The following CAP2 variants were observed in gnomAD, a reference collection of about 807,000 sequenced individuals.
CAP2 encodes the protein adenylyl cyclase-associated protein 2.
Under a neutral mutation model 57.7 loss-of-function variants are expected in CAP2, and 24 were observed. The observed-to-expected ratio is 0.42, with a 90% CI of 0.30 to 0.58. The LOEUF (loss-of-function observed/expected upper bound fraction) is 0.58, where lower values mean the gene tolerates loss of function less well. Ranked by LOEUF, CAP2 falls within the 20% of genes least tolerant of loss-of-function variation. The probability of loss-of-function intolerance (pLI) is 0.22; values close to 1 mark genes in which losing one functional copy is unlikely to be tolerated. For synonymous variants in CAP2, 194 were observed against 207.2 expected (o/e 0.94, Z 0.55); for missense variants, 501 against 590.3 (o/e 0.85, Z 1.57).
At chr6:17,467,239 G>A (rs926195889) in intron 4 of CAP2, among the ~76,000 whole-genome samples, 1 of 152,214 alleles carries the variant, frequency 6.6e-6, no homozygotes, top group Admixed American at 6.5e-5. Flanking sequence ...TACAGAAACT[G>A]TGAGATGATA....
rs755465988 is a variant in CAP2, at chr6:17,539,344, C to G, written c.712C>G (p.Leu238Val). 3 of 1,614,128 alleles carry G rather than the reference C, an allele frequency of 1.9e-6. No individual in the cohort carries two copies. Among genetic ancestry groups the G allele is most frequent in the South Asian group, 1.1e-5 (1 of 91,084 alleles). ...GPGLPPPPPP[L>V]PPPGPPPLFE... ...TGGCCTTCCTCCACCCCCTCCTCCT[C>G]TGCCTCCTCCAGGGCCACCTCCACT... Residue 238 changes from leucine to valine, a missense_variant, in exon 8 of 13, where the codon CTG becomes GTG. Physicochemically the swap from Leu to Val is conservative, Grantham distance 32 (BLOSUM62 1). Transcript: ENST00000229922.
chr6:17,459,891 G>C (rs1403976160), intron 3 of CAP2, among the ~76,000 whole-genome samples: 1 of 152,000 alleles, frequency 6.6e-6, no homozygotes, highest in Non-Finnish European at 1.5e-5. Flanking sequence ...TACACTATGA[G>C]GATAATAATT....
chr6:17,448,606 T>C (rs1760322674), intron 3 of CAP2, among the ~76,000 whole-genome samples: 1 of 152,216 alleles, frequency 6.6e-6, no homozygotes, highest in African/African-American at 2.4e-5. Context: ...TAATAAATTA[T>C]TTAGAAGAGT....
At chr6:17,555,719 A>G (rs373911198) in intron 12 of CAP2, among the ~76,000 whole-genome samples, 2 of 150,872 alleles carry the variant, frequency 1.3e-5, no homozygotes, top group African/African-American at 4.9e-5. Context: ...GCATGCCACC[A>G]TTCCTGGCTA....
chr6:17,533,013 C>T lies in CAP2; in HGVS notation c.637-6256C>T, dbSNP rs542967490. Among the ~76,000 whole-genome samples, 186 of 140,092 alleles carry T rather than the reference C, an allele frequency of 1.3e-3. 1 individual carries two copies. Among genetic ancestry groups the T allele is most frequent in the Middle Eastern group, 3.9e-3 (1 of 258 alleles). 91.9% of individuals were successfully genotyped at this position (140,092 alleles called of 152,430 possible). A position where few individuals can be genotyped will look rare whatever the true frequency, so the allele number is the denominator to read the frequency against. On this transcript the variant is annotated intron_variant, in intron 7 of 12. Coordinates refer to ENST00000229922, the MANE Select transcript of CAP2 (RefSeq NM_006366.3). Reference sequence around the variant, plus strand: ...CCGGGAGGTGAAGGTTGCGGTGAGCCGAGATCACACCATCGCACTCCAGCC... The same window carrying T: ...CCGGGAGGTGAAGGTTGCGGTGAGCTGAGATCACACCATCGCACTCCAGCC...
At chr6:17,514,499 C>T (rs974660796) in intron 7 of CAP2, among the ~76,000 whole-genome samples, 4 of 152,166 alleles carry the variant, frequency 2.6e-5, no homozygotes, top group African/African-American at 4.8e-5. Context: ...CCTGTAATCC[C>T]AGCACTTTGG....
At chr6:17,509,621 G>C (rs2113661666) in intron 6 of CAP2, among the ~76,000 whole-genome samples, 1 of 152,190 alleles carries the variant, frequency 6.6e-6, no homozygotes, top group Admixed American at 6.5e-5. Flanking sequence ...GTTGCAGTGA[G>C]CTGAGATTGT....
intron 1 of CAP2, among the ~76,000 whole-genome samples, chr6:17,407,778 CAAAAA>C (rs60480016): frequency 1.4e-5 from 1 of 69,352 alleles, no homozygotes; most frequent in African/African-American, 5.1e-5. Flanking sequence ...GACTCGGTCT[CAAAAA>C]AAAAAAAAAA....
intron 3 of CAP2, among the ~76,000 whole-genome samples, chr6:17,441,129 C>T (rs1760062373): frequency 6.6e-6 from 1 of 151,368 alleles, no homozygotes; most frequent in Non-Finnish European, 1.5e-5. Context: ...CTTCTTAGAT[C>T]TTTTAATAAA....
intron 11 of CAP2, among the ~76,000 whole-genome samples, chr6:17,544,881 T>G (rs1214675526): frequency 6.6e-6 from 1 of 152,168 alleles, no homozygotes; most frequent in Non-Finnish European, 1.5e-5. Flanking sequence ...GATCACTACA[T>G]TTATCCATTT....
At chr6:17,538,996 C>T (rs895582229) in intron 7 of CAP2, among the ~76,000 whole-genome samples, 9 of 152,096 alleles carry the variant, frequency 5.9e-5, no homozygotes, top group South Asian at 2.1e-4. Flanking sequence ...GAGTATGGCT[C>T]GTTTGCCTCT....
intron 6 of CAP2, among the ~76,000 whole-genome samples, chr6:17,510,653 G>A (rs1244384984): frequency 6.6e-6 from 1 of 152,184 alleles, no homozygotes; most frequent in Non-Finnish European, 1.5e-5. Flanking sequence ...AATGCAAGAT[G>A]GTCTGTTCTT....
intron 3 of CAP2, among the ~76,000 whole-genome samples, chr6:17,460,509 AGAT>A (rs1379293430): frequency 1.3e-5 from 2 of 152,264 alleles, no homozygotes; most frequent in African/African-American, 4.8e-5. Flanking sequence ...TAGGGATCAG[AGAT>A]GGAAAAAGTG....
At chr6:17,459,330 G>T (rs1760664207) in intron 3 of CAP2, among the ~76,000 whole-genome samples, 2 of 152,208 alleles carry the variant, frequency 1.3e-5, no homozygotes, top group African/African-American at 4.8e-5. Context: ...AGGCCTTAAA[G>T]AATAGAGAGC....
chr6:17,401,124 T>C lies in CAP2; in HGVS notation c.-2+7378T>C, dbSNP rs187382795. On this transcript the variant is annotated intron_variant, in intron 1 of 12. Transcript: ENST00000229922. ...TGTTTATGTCCTCCCAAAATTCTTATGTTGAAATCCTCACTGCCATTGTGA... is the reference window on the plus strand; with the variant it reads ...TGTTTATGTCCTCCCAAAATTCTTACGTTGAAATCCTCACTGCCATTGTGA... Among the ~76,000 whole-genome samples, 12 of 152,292 alleles carry C rather than the reference T, an allele frequency of 7.9e-5. No individual in the cohort carries two copies. In the East Asian group the frequency reaches 2.3e-3, roughly 29 times the overall value.
intron 4 of CAP2, among the ~76,000 whole-genome samples, chr6:17,501,122 G>A (rs148283653): frequency 2.0e-5 from 3 of 152,100 alleles, no homozygotes; most frequent in Admixed American, 6.5e-5. Context: ...CACAATACAC[G>A]CCAGGAACGT....
chr6:17,422,925 GA>G (rs1171635220), intron 2 of CAP2, among the ~76,000 whole-genome samples: 1 of 152,052 alleles, frequency 6.6e-6, no homozygotes, highest in African/African-American at 2.4e-5. Context: ...GGGGTATAAG[GA>G]TGTCCCAAAT....
intron 7 of CAP2, among the ~76,000 whole-genome samples, chr6:17,535,638 A>G (rs866588056): frequency 1.3e-5 from 2 of 151,924 alleles, no homozygotes; most frequent in Admixed American, 1.3e-4. Context: ...CTTTAGAATC[A>G]AGGAGATATG....
chr6:17,408,920 C>T (rs982295121), intron 1 of CAP2, among the ~76,000 whole-genome samples: 6 of 151,492 alleles, frequency 4.0e-5, no homozygotes, highest in Non-Finnish European at 5.9e-5. Context: ...CCGCCAGCCT[C>T]GGCCTCCCCA....
Sources: gnomAD v4.1 joint callset for allele counts (sites outside exome capture counted in the v4.1 genomes callset) on GRCh38, gnomAD v4.1.1 for gene constraint, MANE v1.5 for transcripts, NCBI Gene and HGNC (gene_info 2026-07-23, HGNC 2026-07-21) for gene names.